Variants in CHL1 observed in about 807,000 individuals in gnomAD.
CHL1 encodes the protein cell adhesion molecule L1 like.
CHL1 carries 96 observed loss-of-function variants against 141.9 expected under a neutral mutation model. That is an observed-to-expected ratio of 0.68 (90% CI 0.57 to 0.80). The LOEUF (loss-of-function observed/expected upper bound fraction) is 0.80, where lower values mean the gene tolerates loss of function less well. Ranked by LOEUF, CHL1 falls within the 30% of genes least tolerant of loss-of-function variation. The pLI is 0.00. For synonymous variants in CHL1, 613 were observed against 502.2 expected, an observed-to-expected ratio of 1.22 and a Z score of -2.95; for missense variants, 1,820 against 1,457.2, an observed-to-expected ratio of 1.25 and a Z score of -4.05.
At chr3:217,424 C>T (rs1700418947) in intron 1 of CHL1, 1 of 151,844 alleles carries the variant, frequency 6.6e-6, no homozygotes, top group Non-Finnish European at 1.5e-5. Flanking sequence ...AGAATGTTAG[C>T]CAATAAATAA....
chr3:235,448 G>C (rs1439108479), intron 1 of CHL1, among the ~76,000 whole-genome samples: 2 of 152,074 alleles, frequency 1.3e-5, no homozygotes, highest in Admixed American at 1.3e-4. Context: ...GCACTTAAGA[G>C]AGTGCCTGGC....
At chr3:300,766 G>GAA (rs35652774) in intron 2 of CHL1, among the ~76,000 whole-genome samples, 1 of 147,726 alleles carries the variant, frequency 6.8e-6, no homozygotes, top group Non-Finnish European at 1.5e-5. Context: ...TTATTTCTAG[G>GAA]AAAAAAAAAA....
Position 365,957 on chromosome 3 carries a change from A to G in CHL1, c.1593A>G (p.Thr531=). The change falls in exon 15 of 28, where the codon ACA becomes ACG. Residue 531 remains threonine, a synonymous_variant. Transcript: ENST00000256509. ...TTTGTTTGGTAAAAACAGATGCTAC[A>G]AAACTTAGAGTTTCTCCTAAGAATC... ...VTANLDIRNA[T]KLRVSPKNPR... 1 of 1,612,590 alleles carries G rather than the reference A, an allele frequency of 6.2e-7. No individual in the cohort carries two copies. Among genetic ancestry groups the G allele is most frequent in the Non-Finnish European group, 8.5e-7 (1 of 1,179,074 alleles).
intron 1 of CHL1, among the ~76,000 whole-genome samples, chr3:238,938 A>G (rs1692269002): frequency 7.6e-6 from 1 of 132,192 alleles, no homozygotes; most frequent in Non-Finnish European, 1.6e-5. Context: ...CTAAAACAAC[A>G]AACAAACAAA....
chr3:206,442 G>C (rs1699454443), intron 1 of CHL1, among the ~76,000 whole-genome samples: 1 of 151,874 alleles, frequency 6.6e-6, no homozygotes, highest in Admixed American at 6.6e-5. Context: ...CTCCAGCCTG[G>C]GTGACAGAGC....
At chr3:286,840 C>T (rs1697200436) in intron 2 of CHL1, among the ~76,000 whole-genome samples, 2 of 152,124 alleles carry the variant, frequency 1.3e-5, no homozygotes, top group African/African-American at 2.4e-5. Context: ...TCTGACGTTG[C>T]CATGGCATTT....
At chr3:202,611 C>G (rs1360051061) in intron 1 of CHL1, among the ~76,000 whole-genome samples, 1 of 152,040 alleles carries the variant, frequency 6.6e-6, no homozygotes, top group African/African-American at 2.4e-5. Flanking sequence ...CCCTAATGTA[C>G]CAATATTGGT....
At chr3:354,079 G>A (rs931264230) in intron 10 of CHL1, among the ~76,000 whole-genome samples, 1 of 151,624 alleles carries the variant, frequency 6.6e-6, no homozygotes, top group Non-Finnish European at 1.5e-5. Context: ...ACTGCTTTTG[G>A]GCTTCTCTCT....
chr3:276,717 T>G (rs143471316), intron 2 of CHL1, among the ~76,000 whole-genome samples: 2,889 of 151,626 alleles, frequency 0.019, 96 homozygotes, highest in African/African-American at 0.063. Flanking sequence ...GTGAAATCCC[T>G]TCTCTACTAA....
At chr3:213,229 A>G (rs2124919637) in intron 1 of CHL1, 1 of 152,338 alleles carries the variant, frequency 6.6e-6, no homozygotes, top group East Asian at 1.9e-4. Context: ...AATAATTCAC[A>G]GAGAATTGAT....
At chr3:273,627 G>A (rs1181112246) in intron 2 of CHL1, among the ~76,000 whole-genome samples, 1 of 152,028 alleles carries the variant, frequency 6.6e-6, no homozygotes, top group African/African-American at 2.4e-5. Flanking sequence ...AAATGTAAAT[G>A]TCACGAAATT....
At chr3:213,530 C>G (rs893586820) in intron 1 of CHL1, 1 of 152,152 alleles carries the variant, frequency 6.6e-6, no homozygotes, top group East Asian at 1.9e-4. Context: ...TTAAAATAGA[C>G]CTAAATGCCT....
intron 1 of CHL1, among the ~76,000 whole-genome samples, chr3:224,086 T>C (rs1229342378): frequency 6.6e-6 from 1 of 152,196 alleles, no homozygotes; most frequent in Non-Finnish European, 1.5e-5. Context: ...GGTTATTGTT[T>C]AACTGTACCT....
intron 1 of CHL1, among the ~76,000 whole-genome samples, chr3:222,826 TCA>T (rs2124988618): frequency 6.6e-6 from 1 of 152,300 alleles, no homozygotes; most frequent in African/African-American, 2.4e-5. Flanking sequence ...GGATTTTAAT[TCA>T]AAGTATTCAT....
At chr3:307,911 T>C (rs890694783) in intron 2 of CHL1, among the ~76,000 whole-genome samples, 2 of 152,240 alleles carry the variant, frequency 1.3e-5, no homozygotes, top group Non-Finnish European at 2.9e-5. Context: ...TATTTTAAAG[T>C]AAATTTCAGA....
In CHL1 at chr3:281,366, G is replaced by C. The variant is rs140152258; in HGVS notation, c.-95+36674G>C. Among the ~76,000 whole-genome samples the C allele has an allele frequency of 2.1e-3, 314 of 152,214 alleles. 1 individual carries two copies. Among genetic ancestry groups the C allele is most frequent in the African/African-American group, 7.2e-3 (301 of 41,528 alleles). The stretch of plus-strand genomic sequence containing the variant: ...CCTCACATCCAAGTGCTTGGGTACT[G>C]TGCTATCCTCTGGTTCCTTATTTGC... On this transcript the variant is annotated intron_variant, in intron 2 of 27. Transcript: ENST00000256509.
chr3:326,407 A>G (rs886524612), intron 4 of CHL1, among the ~76,000 whole-genome samples: 6 of 152,016 alleles, frequency 3.9e-5, no homozygotes, highest in African/African-American at 1.4e-4. Flanking sequence ...TGTAGCATTT[A>G]TTAAGTCAAA....
intron 2 of CHL1, among the ~76,000 whole-genome samples, chr3:290,866 A>G (rs920067181): frequency 2.0e-5 from 3 of 151,168 alleles, no homozygotes; most frequent in Non-Finnish European, 4.4e-5. Context: ...AACCCGGGAG[A>G]CAGAGGTTGT....
intron 2 of CHL1, among the ~76,000 whole-genome samples, chr3:254,687 T>A (rs149452387): frequency 3.3e-5 from 5 of 152,284 alleles, no homozygotes; most frequent in African/African-American, 1.2e-4. Context: ...GATCAAGGCA[T>A]CAGCATCTGG....
Sources: allele counts gnomAD v4.1 joint callset (sites outside exome capture counted in the v4.1 genomes callset), GRCh38; gene constraint gnomAD v4.1.1; transcripts MANE v1.5; gene names NCBI Gene and HGNC (gene_info 2026-07-23, HGNC 2026-07-21).